The following ZFYVE9 variants were observed in gnomAD, a reference collection of about 807,000 sequenced individuals.
ZFYVE9 encodes the protein zinc finger FYVE-type containing 9.
In ZFYVE9, 43 loss-of-function variants were observed where a neutral mutation model predicts 126.7. The observed-to-expected ratio is 0.34, with a 90% CI of 0.27 to 0.44. The LOEUF is 0.44. Among genes scored for constraint, ZFYVE9 ranks in the 20% least tolerant of loss-of-function variants. ZFYVE9 has a pLI of 1.00. For synonymous variants in ZFYVE9, 521 were observed against 597.4 expected (o/e 0.87, Z 1.87); for missense variants, 1,476 against 1,697.0 (o/e 0.87, Z 2.29).
intron 1 of ZFYVE9, among the ~76,000 whole-genome samples, chr1:52,207,255 T>A (rs761776521): frequency 6.6e-6 from 1 of 152,250 alleles, no homozygotes; most frequent in Non-Finnish European, 1.5e-5. Context: ...ATGCTCCTTC[T>A]TTTAGTCCCA....
chr1:52,313,281 G>C (rs933421016), intron 13 of ZFYVE9, among the ~76,000 whole-genome samples: 1 of 152,122 alleles, frequency 6.6e-6, no homozygotes, highest in African/African-American at 2.4e-5. Flanking sequence ...TCAAGACAAA[G>C]TATGATAAAA....
intron 1 of ZFYVE9, among the ~76,000 whole-genome samples, chr1:52,198,939 T>C (rs531705157): frequency 6.6e-6 from 1 of 152,300 alleles, no homozygotes; most frequent in African/African-American, 2.4e-5. Flanking sequence ...GTGTTGTATA[T>C]TTTATGGGTT....
chr1:52,230,171 G>T (rs1433552326), intron 2 of ZFYVE9, among the ~76,000 whole-genome samples: 2 of 152,220 alleles, frequency 1.3e-5, no homozygotes, highest in South Asian at 4.2e-4. Flanking sequence ...CCCTGCCTAG[G>T]CTCACAGACA....
chr1:52,236,480 A>G (rs905618829), intron 3 of ZFYVE9, among the ~76,000 whole-genome samples: 5 of 152,190 alleles, frequency 3.3e-5, no homozygotes, highest in African/African-American at 9.6e-5. Context: ...GACCATGATT[A>G]TCAGAGATAC....
At chr1:52,322,208 C>T (rs959981075) in intron 13 of ZFYVE9, among the ~76,000 whole-genome samples, 7 of 152,144 alleles carry the variant, frequency 4.6e-5, no homozygotes, top group Non-Finnish European at 1.0e-4. Context: ...ACAAATCTAT[C>T]AGGAAATTCT....
intron 1 of ZFYVE9, among the ~76,000 whole-genome samples, chr1:52,199,060 C>G (rs1644897576): frequency 6.6e-6 from 1 of 151,712 alleles, no homozygotes; most frequent in African/African-American, 2.4e-5. Flanking sequence ...TAGTCTTTGA[C>G]AATCACGGAT....
chr1:52,304,822 T>G (rs562459927), intron 13 of ZFYVE9, among the ~76,000 whole-genome samples: 1 of 151,848 alleles, frequency 6.6e-6, no homozygotes, highest in East Asian at 1.9e-4. Context: ...TATTAGAAAA[T>G]AGTAGCTAGA....
In ZFYVE9 at chr1:52,191,605, A is replaced by G. The variant is rs138227611; in HGVS notation, c.-142-24764A>G. Among the ~76,000 whole-genome samples, 1,290 of 152,346 alleles carry G rather than the reference A, an allele frequency of 8.5e-3. 15 individuals are homozygous for G. Among genetic ancestry groups the G allele is most frequent in the Non-Finnish European group, 9.6e-3 (654 of 68,036 alleles). ...CACAGTCCTATGACCCAGATGGGTT[A>G]GATATTATCCCCATTTGAAAGTAGG... On this transcript the variant is annotated intron_variant, in intron 1 of 18. Transcript: ENST00000287727.
chr1:52,345,991 C>T lies in ZFYVE9; in HGVS notation c.4117-69C>T, dbSNP rs1569799068. 9.7e-6 allele frequency: 14 copies of T among 1,441,354 alleles called. No individual in the cohort carries two copies. In the East Asian group the frequency reaches 3.3e-4, roughly 34 times the overall value. The allele number at this position is 1,441,354 out of a possible 1,614,324, so 89.3% of individuals were successfully genotyped here. Reference sequence around the variant, plus strand: ...GGACATCTCCTTTCCTGCTCAGCCTCCTTGCCCTCAGCCCTGGAGAGGCCT... The same window carrying T: ...GGACATCTCCTTTCCTGCTCAGCCTTCTTGCCCTCAGCCCTGGAGAGGCCT... On this transcript the variant is annotated intron_variant, in intron 18 of 18. Transcript: ENST00000287727.
intron 1 of ZFYVE9, among the ~76,000 whole-genome samples, chr1:52,155,452 T>G (rs528146744): frequency 1.4e-3 from 206 of 152,218 alleles, no homozygotes; most frequent in African/African-American, 4.6e-3. Flanking sequence ...GCCAGGATGG[T>G]CTCGATCTCC....
intron 1 of ZFYVE9, among the ~76,000 whole-genome samples, chr1:52,203,277 G>A (rs1433149016): frequency 6.6e-6 from 1 of 151,826 alleles, no homozygotes; most frequent in African/African-American, 2.4e-5. Context: ...CACCTCCCAG[G>A]CTCAAGTGAT....
intron 16 of ZFYVE9, among the ~76,000 whole-genome samples, chr1:52,339,228 A>G (rs183960780): frequency 1.1e-3 from 174 of 152,270 alleles, no homozygotes; most frequent in African/African-American, 4.1e-3. Flanking sequence ...AGGTGTTATG[A>G]CAGATACATA....
rs373096573 is a variant in ZFYVE9, at chr1:52,198,120, G to GTTTTT, written c.-142-18246_-142-18245insTTTTT. 4.1e-3 allele frequency among the ~76,000 whole-genome samples: 454 copies of GTTTTT among 111,074 alleles called. 84 individuals carry two copies. Among genetic ancestry groups the GTTTTT allele is most frequent in the East Asian group, 5.4e-3 (19 of 3,528 alleles). The allele number at this position is 111,074 out of a possible 152,430, so 72.9% of individuals were successfully genotyped here. The stretch of plus-strand genomic sequence containing the variant: ...AAATAATATTGTAGTGTTTTTTTTT[G>GTTTTT]TTTGTTTTTTTTTTTTTTTGAGATG... On this transcript the variant is annotated intron_variant, in intron 1 of 18. Coordinates refer to ENST00000287727, the MANE Select transcript of ZFYVE9 (RefSeq NM_004799.4).
chr1:52,309,796 T>C (rs973184976), intron 13 of ZFYVE9, among the ~76,000 whole-genome samples: 1 of 152,050 alleles, frequency 6.6e-6, no homozygotes, highest in African/African-American at 2.4e-5. Flanking sequence ...GGTGGCTATA[T>C]GGAAAATGAG....
At chr1:52,178,890 C>T (rs1437333978) in intron 1 of ZFYVE9, among the ~76,000 whole-genome samples, 6 of 152,056 alleles carry the variant, frequency 3.9e-5, no homozygotes, top group South Asian at 4.2e-4. Flanking sequence ...ATTGGAGCCT[C>T]GACCTCTTGG....
chr1:52,237,745 G>A lies in ZFYVE9; in HGVS notation c.328G>A (p.Val110Ile). 6.2e-7 allele frequency: 1 copy of A among 1,614,126 alleles called. No individual in the cohort carries two copies. Among genetic ancestry groups the A allele is most frequent in the South Asian group, 1.1e-5 (1 of 91,076 alleles). Reference sequence around the variant, plus strand: ...CACAATGTGGATTGATGAAAATGCTGTTGCAGAAGACCAGTTAATTAAGAG... The same window carrying A: ...CACAATGTGGATTGATGAAAATGCTATTGCAGAAGACCAGTTAATTAAGAG... ...IATMWIDENA[V>I]AEDQLIKRNY... The change falls in exon 4 of 19, where the codon GTT becomes ATT. Residue 110 changes from valine to isoleucine, a missense_variant. Physicochemically the swap from Val to Ile is conservative, Grantham distance 29. Transcript: ENST00000287727.
intron 1 of ZFYVE9, chr1:52,150,435 T>C (rs1032013591): frequency 1.3e-5 from 2 of 148,622 alleles, no homozygotes; most frequent in African/African-American, 5.0e-5. Flanking sequence ...GATAGATAGA[T>C]AGATGATAGA....
chr1:52,172,343 C>G (rs1644580988), intron 1 of ZFYVE9, among the ~76,000 whole-genome samples: 1 of 152,162 alleles, frequency 6.6e-6, no homozygotes, highest in Non-Finnish European at 1.5e-5. Context: ...GGGCTCTGTT[C>G]TGTTCCATTG....
At chr1:52,219,269 G>A (rs544077757) in intron 2 of ZFYVE9, among the ~76,000 whole-genome samples, 6 of 152,062 alleles carry the variant, frequency 3.9e-5, no homozygotes, top group East Asian at 1.9e-4. Context: ...GAGGGTGATC[G>A]GGTTACATTG....
Sources: allele counts gnomAD v4.1 joint callset (sites outside exome capture counted in the v4.1 genomes callset), GRCh38; gene constraint gnomAD v4.1.1; transcripts MANE v1.5; gene names NCBI Gene and HGNC (gene_info 2026-07-23, HGNC 2026-07-21).